RNLS: variants seen among roughly 807,000 people sequenced by gnomAD.
RNLS encodes renalase, FAD dependent amine oxidase.
RNLS carries 39 observed loss-of-function variants against 39.8 expected under a neutral mutation model. That is an observed-to-expected ratio of 0.98 (90% CI 0.76 to 1.28). RNLS has a LOEUF of 1.28. Among genes scored for constraint, RNLS ranks in the 50% most tolerant of loss-of-function variants. The probability of loss-of-function intolerance (pLI) is 0.00; values close to 1 mark genes in which losing one functional copy is unlikely to be tolerated. For synonymous variants in RNLS, 147 were observed against 150.7 expected, an observed-to-expected ratio of 0.98 and a Z score of 0.18; for missense variants, 410 against 413.3, an observed-to-expected ratio of 0.99 and a Z score of 0.07.
At chr10:88,561,069 G>A (rs1299820843) in intron 4 of RNLS, among the ~76,000 whole-genome samples, 4 of 152,086 alleles carry the variant, frequency 2.6e-5, no homozygotes. Context: ...GAGAGAATGA[G>A]CTCCAAACTG....
intron 4 of RNLS, among the ~76,000 whole-genome samples, chr10:88,458,013 T>C (rs1386034999): frequency 1.3e-5 from 2 of 152,230 alleles, no homozygotes; most frequent in Non-Finnish European, 2.9e-5. Flanking sequence ...CCCCATTTAA[T>C]ATACACCCTT....
intron 4 of RNLS, among the ~76,000 whole-genome samples, chr10:88,547,424 A>C (rs1028944666): frequency 2.0e-5 from 3 of 152,260 alleles, no homozygotes; most frequent in African/African-American, 7.2e-5. Context: ...AAATCTACTA[A>C]TATACATATC....
chr10:88,314,903 C>G (rs1845642866), intron 5 of RNLS, among the ~76,000 whole-genome samples: 1 of 152,142 alleles, frequency 6.6e-6, no homozygotes, highest in African/African-American at 2.4e-5. Context: ...GGTAGAAGTG[C>G]ATTTAATATG....
At chr10:88,515,128 T>G (rs911497612) in intron 4 of RNLS, among the ~76,000 whole-genome samples, 1 of 152,080 alleles carries the variant, frequency 6.6e-6, no homozygotes, top group Non-Finnish European at 1.5e-5. Context: ...TTCACACTGA[T>G]TCATAGAACT....
rs181924545 is a variant in RNLS at position 88,347,888 on chromosome 10, G to A, written c.700+14664C>T. On this transcript the variant is annotated intron_variant, in intron 5 of 6. Transcript: ENST00000331772. ...TCTCTCTCCTCCCATTTTCAAACTAGCATCTTATCTTTATAAATGCTCCCC... is the reference window on the plus strand; with the variant it reads ...TCTCTCTCCTCCCATTTTCAAACTAACATCTTATCTTTATAAATGCTCCCC... 5.9e-5 allele frequency among the ~76,000 whole-genome samples: 9 copies of A among 152,026 alleles called. No homozygotes were observed. The East Asian group carries it at 1.5e-3, about 26-fold the overall frequency.
intron 4 of RNLS, among the ~76,000 whole-genome samples, chr10:88,481,130 A>G (rs947497317): frequency 5.9e-5 from 9 of 152,174 alleles, no homozygotes; most frequent in African/African-American, 2.2e-4. Context: ...CAGTATAGCC[A>G]CTACAGCTTT....
chr10:88,573,978 T>G (rs553187501), intron 3 of RNLS, among the ~76,000 whole-genome samples: 1 of 152,176 alleles, frequency 6.6e-6, no homozygotes, highest in South Asian at 2.1e-4. Flanking sequence ...CCATCTCTAC[T>G]AAAAATACAA....
the RNLS span, among the ~76,000 whole-genome samples, chr10:88,218,057 A>G: frequency 6.7e-6 from 1 of 150,312 alleles, no homozygotes; most frequent in Admixed American, 6.7e-5. Context: ...AAAAACAAGG[A>G]AAAAAAAAAT....
At chr10:88,504,067 C>T (rs1039188343) in intron 4 of RNLS, among the ~76,000 whole-genome samples, 8 of 152,234 alleles carry the variant, frequency 5.3e-5, no homozygotes, top group African/African-American at 1.4e-4. Context: ...CCAGCAACCA[C>T]GTGAGTGAGC....
chr10:88,396,054 T>G (rs898469756), intron 4 of RNLS, among the ~76,000 whole-genome samples: 2 of 152,076 alleles, frequency 1.3e-5, no homozygotes, highest in African/African-American at 4.8e-5. Flanking sequence ...CTGTGGTAAC[T>G]CATTGGCAGC....
In RNLS at chr10:88,380,877, T is replaced by C. The variant is rs747516921; in HGVS notation, c.527-18152A>G. Among the ~76,000 whole-genome samples the C allele has an allele frequency of 1.5e-3, 234 of 152,356 alleles. 1 individual carries two copies. The highest frequency in any genetic ancestry group is 2.6e-3 in the Non-Finnish European group (176 of 68,032). ...TTTTAGATGGATAGTCAGTTGTCTC[T>C]GTACCATTTATTTAAATCATCCATT... On this transcript the variant is annotated intron_variant, in intron 4 of 6. Transcript: ENST00000331772.
chr10:88,294,296 GTTTACCTA>G (rs1467493445), intron 6 of RNLS, among the ~76,000 whole-genome samples: 3 of 152,100 alleles, frequency 2.0e-5, no homozygotes, highest in African/African-American at 4.8e-5. Context: ...GGAAATGCCT[GTTTACCTA>G]TTTGCATATA....
intron 4 of RNLS, among the ~76,000 whole-genome samples, chr10:88,514,279 C>G (rs542538388): frequency 1.3e-5 from 2 of 151,984 alleles, no homozygotes; most frequent in South Asian, 4.2e-4. Flanking sequence ...TAAAACCTTC[C>G]GATCCCATGA....
At chr10:88,337,850 G>T (rs1209650380) in intron 5 of RNLS, among the ~76,000 whole-genome samples, 1 of 151,902 alleles carries the variant, frequency 6.6e-6, no homozygotes, top group Non-Finnish European at 1.5e-5. Flanking sequence ...ACTGTGTCTG[G>T]CATATTTATG....
At chr10:88,531,721 T>A (rs1253127000) in intron 4 of RNLS, among the ~76,000 whole-genome samples, 1 of 152,060 alleles carries the variant, frequency 6.6e-6, no homozygotes, top group East Asian at 1.9e-4. Flanking sequence ...CATTCCACTA[T>A]CCCAGTGATA....
intron 6 of RNLS, among the ~76,000 whole-genome samples, chr10:88,301,794 C>A (rs561026670): frequency 6.6e-6 from 1 of 152,206 alleles, no homozygotes; most frequent in African/African-American, 2.4e-5. Context: ...CCTATCCAGA[C>A]TATTTACTTA....
At chr10:88,447,676 A>C (rs928341230) in intron 4 of RNLS, among the ~76,000 whole-genome samples, 1 of 152,194 alleles carries the variant, frequency 6.6e-6, no homozygotes, top group Admixed American at 6.5e-5. Flanking sequence ...TTCATATGGA[A>C]CCAAAAAAGA....
At position 88,480,718 on chromosome 10, in the gene RNLS, G is replaced by A. The variant is rs575855569; in HGVS notation, c.526+92185C>T. ...ATTACAGGCATGAGCCACTGTGCCCGGCCAAACCAAATTCATACTTTTCTA... is the reference window on the plus strand; with the variant it reads ...ATTACAGGCATGAGCCACTGTGCCCAGCCAAACCAAATTCATACTTTTCTA... On this transcript the variant is annotated intron_variant, in intron 4 of 6. Transcript: ENST00000331772. 8.4e-4 allele frequency among the ~76,000 whole-genome samples: 128 copies of A among 151,964 alleles called. 1 individual carries two copies. The highest frequency in any genetic ancestry group is 7.1e-3 in the South Asian group (34 of 4,818).
chr10:88,417,060 A>G (rs956354741), intron 4 of RNLS, among the ~76,000 whole-genome samples: 7 of 152,244 alleles, frequency 4.6e-5, no homozygotes, highest in Non-Finnish European at 7.3e-5. Flanking sequence ...TCAGAGAGTT[A>G]TATAGGATGA....
Sources: gnomAD v4.1 joint callset for allele counts (sites outside exome capture counted in the v4.1 genomes callset) on GRCh38, gnomAD v4.1.1 for gene constraint, MANE v1.5 for transcripts, NCBI Gene and HGNC (gene_info 2026-07-23, HGNC 2026-07-21) for gene names.